Variants in KIF11 observed in about 807,000 individuals in gnomAD.
The protein encoded by KIF11 is kinesin family member 11.
Under a neutral mutation model 121.0 loss-of-function variants are expected in KIF11, and 9 were observed. That is an observed-to-expected ratio of 0.07 (90% CI 0.04 to 0.13). KIF11 has a LOEUF of 0.13. KIF11 is among the 10% of genes least tolerant of loss of function. The pLI is 1.00. For missense variants in KIF11, 846 were observed against 1,217.5 expected, an observed-to-expected ratio of 0.69 and a Z score of 4.54; for synonymous variants, 408 against 421.0, an observed-to-expected ratio of 0.97 and a Z score of 0.38.
At chr10:92,647,991 C>T (rs1844938239) in intron 18 of KIF11, among the ~76,000 whole-genome samples, 1 of 151,730 alleles carries the variant, frequency 6.6e-6, no homozygotes, top group African/African-American at 2.4e-5. Context: ...TGCCTGTAGT[C>T]CCAGCTACCT....
intron 6 of KIF11, 45 bp from the exon 7 acceptor site, chr10:92,612,995 C>T (rs1844513769): frequency 7.2e-6 from 8 of 1,113,804 alleles, no homozygotes; most frequent in Non-Finnish European, 1.1e-5. Flanking sequence ...GCAGCAAATG[C>T]TATTTTACAT....
At chr10:92,615,956 C>T (rs1049186353) in intron 8 of KIF11, among the ~76,000 whole-genome samples, 2 of 150,428 alleles carry the variant, frequency 1.3e-5, no homozygotes, top group African/African-American at 2.5e-5. Context: ...TCTCCTGCCT[C>T]AGCCTCCTGA....
chr10:92,651,527 T>TG (rs1844982831), intron 21 of KIF11, among the ~76,000 whole-genome samples: 1 of 114,442 alleles, frequency 8.7e-6, no homozygotes, highest in African/African-American at 3.2e-5. Flanking sequence ...TTTTTTTTTT[T>TG]TTTTTTTTTT....
chr10:92,615,983 G>A (rs1019589431), intron 8 of KIF11, among the ~76,000 whole-genome samples: 2 of 139,782 alleles, frequency 1.4e-5, no homozygotes, highest in Non-Finnish European at 3.0e-5. Flanking sequence ...GGGATTACAG[G>A]CGCCACCACC....
At position 92,632,564 on chromosome 10, in the gene KIF11, C is replaced by A; in HGVS notation, c.1573C>A (p.Gln525Lys). The stretch of plus-strand genomic sequence containing the variant: ...ACTGGATCGTAAGAAGGCAGTTGAC[C>A]AACACAATGCAGAAGCTCAGGATAT... ...SKLDRKKAVD[Q>K]HNAEAQDIFG... is the part of the protein sequence containing the mutation. The change falls in exon 13 of 22, where the codon CAA becomes AAA. Residue 525 changes from glutamine to lysine, a missense_variant. Around this residue, in one of 5 missense-constraint regions of KIF11, gnomAD observed 492 missense variants for 603.4 expected, o/e 0.82. Transcript: ENST00000260731. 1 of 1,613,206 alleles carries A rather than the reference C, an allele frequency of 6.2e-7. No homozygotes were observed. Among genetic ancestry groups the A allele is most frequent in the African/African-American group, 1.3e-5 (1 of 74,950 alleles).
At chr10:92,608,761 G>T (rs1844459262) in intron 4 of KIF11, among the ~76,000 whole-genome samples, 1 of 152,148 alleles carries the variant, frequency 6.6e-6, no homozygotes, top group African/African-American at 2.4e-5. Flanking sequence ...AAGTAGATAG[G>T]TTCCATTGGT....
chr10:92,601,227 G>A (rs1844366419), intron 1 of KIF11, among the ~76,000 whole-genome samples: 2 of 150,732 alleles, frequency 1.3e-5, no homozygotes, highest in South Asian at 2.1e-4. Context: ...TTGAGATGGA[G>A]TCTCGCTCTG....
chr10:92,601,367 A>T (rs1160589377), intron 1 of KIF11, among the ~76,000 whole-genome samples: 3 of 143,180 alleles, frequency 2.1e-5, no homozygotes, highest in Non-Finnish European at 4.6e-5. Flanking sequence ...TAAACAGCTA[A>T]TTTTTTTTTT....
rs2135900427 is a variant in KIF11 at position 92,606,135 on chromosome 10, GATTTAATCTCCATCACCAAC to G, written c.78-128_78-109del. The G allele has an allele frequency of 9.9e-6, 7 of 703,652 alleles. 1 individual carries two copies. In the Admixed American group the frequency reaches 2.3e-4, roughly 23 times the overall value. 43.6% of individuals were successfully genotyped at this position (703,652 alleles called of 1,614,324 possible). ...TGCTTTAGCAATATCACTTAGTCCT[GATTTAATCTCCATCACCAAC>G]AATGTGGTCAAAATTTCGCATTTTT... is the stretch of plus-strand genomic sequence containing the variant. On this transcript the variant is annotated intron_variant, in intron 1 of 21. Coordinates refer to ENST00000260731, the MANE Select transcript of KIF11 (RefSeq NM_004523.4).
intron 13 of KIF11, 26 bp downstream of exon 13, chr10:92,632,719 T>C: frequency 1.4e-6 from 2 of 1,411,198 alleles, no homozygotes; most frequent in Non-Finnish European, 9.7e-7. Flanking sequence ...TCTGTTCTAG[T>C]CTTGATGTGT....
chr10:92,616,677 TAA>T, intron 8 of KIF11, 58 bp from the exon 9 acceptor site: 1 of 830,788 alleles, frequency 1.2e-6, no homozygotes. Context: ...ATATTTTAGA[TAA>T]CAGAACTACA....
At chr10:92,630,104 A>G in intron 11 of KIF11, 72 bp from the exon 12 acceptor site, 1 of 786,776 alleles carries the variant, frequency 1.3e-6, no homozygotes, top group Non-Finnish European at 1.9e-6. Context: ...AATTTGTTTC[A>G]TTTTTCTAAT....
chr10:92,646,488 TCAC>T lies in KIF11; in HGVS notation c.2547+847_2547+849del, dbSNP rs1011181449. Among the ~76,000 whole-genome samples the T allele has an allele frequency of 2.2e-4, 33 of 152,192 alleles. 1 individual carries two copies. Among genetic ancestry groups the T allele is most frequent in the Non-Finnish European group, 3.7e-4 (25 of 68,040 alleles). ...AATTTTTAATCTATATAAGCTGTTT[TCAC>T]TAAAAGGAACTAGAGTTTGTATACA... On this transcript the variant is annotated intron_variant, in intron 18 of 21. Coordinates refer to ENST00000260731, the MANE Select transcript of KIF11 (RefSeq NM_004523.4).
chr10:92,632,604 T>A lies in KIF11; in HGVS notation c.1613T>A (p.Leu538Gln). 2.5e-6 allele frequency: 4 copies of A among 1,613,772 alleles called. No homozygotes were observed. Among genetic ancestry groups the A allele is most frequent in the Non-Finnish European group, 3.4e-6 (4 of 1,179,756 alleles). Residue 538 changes from leucine to glutamine, a missense_variant, in exon 13 of 22, where the codon CTG becomes CAG. Transcript: ENST00000260731. The stretch of plus-strand genomic sequence containing the variant: ...GCTCAGGATATTTTTGGCAAAAACC[T>A]GAATAGTCTGTTTAATAATATGGAA... ...AEAQDIFGKNLNSLFNNMEEL... is the reference protein window; with the variant it reads ...AEAQDIFGKNQNSLFNNMEEL...
chr10:92,608,446 G>GTTT (rs201301664), intron 4 of KIF11, among the ~76,000 whole-genome samples: 12 of 148,804 alleles, frequency 8.1e-5, no homozygotes, highest in African/African-American at 2.5e-4. Flanking sequence ...TGAACTTGGC[G>GTTT]TTTTTTTTTT....
chr10:92,638,665 G>C (rs371657739), intron 16 of KIF11, among the ~76,000 whole-genome samples: 4 of 152,192 alleles, frequency 2.6e-5, no homozygotes, highest in East Asian at 1.9e-4. Context: ...TATTTCTTAG[G>C]TTTTCCAGAA....
Position 92,613,320 on chromosome 10 carries a change from A to G in KIF11, c.790-57A>G. 2 of 1,285,246 alleles carry G rather than the reference A, an allele frequency of 1.6e-6. No homozygotes were observed. The highest frequency in any genetic ancestry group is 5.1e-5 in the East Asian group (2 of 39,588). 79.6% of individuals were successfully genotyped at this position (1,285,246 alleles called of 1,614,324 possible). The stretch of plus-strand genomic sequence containing the variant: ...ACATTATGTATCCTGTGAGAATGAA[A>G]GTCTTTGAATCCAAATCCAATAGAC... On this transcript the variant is annotated intron_variant, in intron 7 of 21. Transcript: ENST00000260731. This position sits in a 1 kb window ranked among gnomAD's most constrained non-coding sequence, Gnocchi z 4.2.
intron 8 of KIF11, 126 bp from the exon 9 acceptor site, chr10:92,616,609 GAC>G: frequency 2.0e-6 from 1 of 511,974 alleles, no homozygotes; most frequent in Non-Finnish European, 3.4e-6. Flanking sequence ...TGGTCTTAAT[GAC>G]TAGATTTTAA....
At position 92,654,401 on chromosome 10, in the gene KIF11, T is replaced by C. The variant is rs1845022294; in HGVS notation, c.*605T>C. 1 of 152,290 alleles carries C rather than the reference T, an allele frequency of 6.6e-6. No individual in the cohort carries two copies. The allele number at this position is 152,290 out of a possible 1,614,324, so 9.4% of individuals were successfully genotyped here. On this transcript the variant is annotated 3_prime_UTR_variant, in exon 22 of 22. Transcript: ENST00000260731. ...TTAAGTAATGAATATATAAGAACTG[T>C]ACTCTTCTCAGCTTGAGCTTACATA...
Sources: gnomAD v4.1 joint callset for allele counts (sites outside exome capture counted in the v4.1 genomes callset) on GRCh38, gnomAD v4.1.1 for gene constraint, gnomAD v4.1.1 regional missense constraint, Gnocchi (gnomAD v3.1) non-coding constraint, MANE v1.5 for transcripts, NCBI Gene and HGNC (gene_info 2026-07-23, HGNC 2026-07-21) for gene names.